The following MICALL1 variants were observed in gnomAD, a reference collection of about 807,000 sequenced individuals.
MICALL1 encodes the protein MICAL-like protein 1.
A neutral mutation model predicts 83.7 loss-of-function variants in MICALL1; 61 were observed. The ratio of observed to expected loss-of-function variants is 0.73; its 90% CI spans 0.59 to 0.90. The LOEUF (loss-of-function observed/expected upper bound fraction) is 0.90. Ranked by LOEUF, MICALL1 falls within the 40% of genes least tolerant of loss-of-function variation. MICALL1 has a pLI of 0.00. For synonymous variants in MICALL1, 481 were observed against 473.6 expected (o/e 1.02, Z -0.20); for missense variants, 1,066 against 1,152.0 (o/e 0.93, Z 1.08).
intron 13 of MICALL1, among the ~76,000 whole-genome samples, chr22:37,935,402 A>C (rs1019007492): frequency 2.0e-4 from 31 of 151,630 alleles, no homozygotes; most frequent in Admixed American, 1.9e-3. Flanking sequence ...CTGGGACTAC[A>C]GGCGCCCGCC....
At chr22:37,923,018 C>T (rs2145914190) in intron 6 of MICALL1, among the ~76,000 whole-genome samples, 1 of 151,244 alleles carries the variant, frequency 6.6e-6, no homozygotes, top group East Asian at 2.0e-4. Context: ...TCACTGCAAC[C>T]TTTGCCTCCC....
At chr22:37,916,705 C>T (rs1928698489) in intron 3 of MICALL1, among the ~76,000 whole-genome samples, 2 of 152,106 alleles carry the variant, frequency 1.3e-5, no homozygotes, top group African/African-American at 2.4e-5. Context: ...GCAGCCTGCT[C>T]AGGGAGCCAG....
chr22:37,930,097 C>T lies in MICALL1; in HGVS notation c.1882-1702C>T, dbSNP rs996599863. ...GGAGGGCACGGGGGTGGGTCACCTTCGGATTCTCGTGTTTCGTGTCCTGGG... is the reference window on the plus strand; with the variant it reads ...GGAGGGCACGGGGGTGGGTCACCTTTGGATTCTCGTGTTTCGTGTCCTGGG... On this transcript the variant is annotated intron_variant, in intron 9 of 15. Coordinates refer to ENST00000215957, the MANE Select transcript of MICALL1 (RefSeq NM_033386.4). This position sits in a 1 kb window ranked among gnomAD's most constrained non-coding sequence, Gnocchi z 4.8. Among the ~76,000 whole-genome samples the T allele has an allele frequency of 1.3e-5, 2 of 152,196 alleles. No homozygotes were observed. Among genetic ancestry groups the T allele is most frequent in the African/African-American group, 2.4e-5 (1 of 41,452 alleles).
At chr22:37,926,608 G>A (rs952454868) in intron 8 of MICALL1, 1 of 153,872 alleles carries the variant, frequency 6.5e-6, no homozygotes, top group Non-Finnish European at 1.4e-5. Context: ...CAGGAACGCT[G>A]GAGTTTTTGG....
Position 37,940,723 on chromosome 22 carries a change from G to A in MICALL1, c.2485G>A (p.Ala829Thr). ...MIKKKEFQRE[A>T]EPEGKKKGKF... is the part of the protein sequence containing the mutation. ...CTGTGCTGCAGAGTTCCAGAGGGAG[G>A]CTGAACCTGAGGGCAAGAAGAAGGG... The change falls in exon 16 of 16, where the codon GCT (alanine) becomes ACT (threonine). Residue 829 changes from alanine (A) to threonine (T), a missense_variant. By Grantham distance (58) the Ala-to-Thr change is moderately conservative. Transcript: ENST00000215957. 2.5e-6 allele frequency: 4 copies of A among 1,613,990 alleles called. No homozygotes were observed. In the African/African-American group the frequency reaches 4.0e-5, roughly 16 times the overall value.
Position 37,941,399 on chromosome 22 carries a change from A to G in MICALL1, c.*569A>G, listed in dbSNP as rs1318705945. 3 of 152,834 alleles carry G rather than the reference A, an allele frequency of 2.0e-5. No homozygotes were observed. Among genetic ancestry groups the G allele is most frequent in the Non-Finnish European group, 4.4e-5 (3 of 68,472 alleles). 9.5% of individuals were successfully genotyped at this position (152,834 alleles called of 1,614,324 possible). On this transcript the variant is annotated 3_prime_UTR_variant, in exon 16 of 16. Coordinates refer to ENST00000215957, the MANE Select transcript of MICALL1 (RefSeq NM_033386.4). The stretch of plus-strand genomic sequence containing the variant: ...TTATGACTGAGTGGCCTGTACTGTC[A>G]GACGTGAATGGGCCTGACGGGCAAA...
rs374975027 is a variant in MICALL1, at chr22:37,912,511, G to A, written c.337+19G>A. 6.3e-5 allele frequency: 99 copies of A among 1,577,414 alleles called. No homozygotes were observed. Among genetic ancestry groups the A allele is most frequent in the Middle Eastern group, 1.7e-4 (1 of 5,948 alleles). On this transcript the variant is annotated intron_variant, in intron 3 of 15. Coordinates refer to ENST00000215957, the MANE Select transcript of MICALL1 (RefSeq NM_033386.4). ...GGCCAAGGTGAGAGGGGGACTCAGC[G>A]TTTCACGGAGGCTGGCCCAGGGGGT...
rs370469703 is a variant in MICALL1, at chr22:37,937,805, C to A, written c.2470+13C>A. 256 of 1,613,014 alleles carry A rather than the reference C, an allele frequency of 1.6e-4. No homozygotes were observed. Among genetic ancestry groups the A allele is most frequent in the Non-Finnish European group, 2.1e-4 (245 of 1,179,340 alleles). Reference sequence around the variant, plus strand: ...ATCAAGAAGAAAGGTGAGGCCCTTGCTGGGGATGAGGCTGGTGAGCACTTG... The same window carrying A: ...ATCAAGAAGAAAGGTGAGGCCCTTGATGGGGATGAGGCTGGTGAGCACTTG... On this transcript the variant is annotated intron_variant, in intron 15 of 15. Coordinates refer to ENST00000215957, the MANE Select transcript of MICALL1 (RefSeq NM_033386.4).
intron 15 of MICALL1, among the ~76,000 whole-genome samples, chr22:37,938,773 C>T (rs998899602): frequency 2.0e-5 from 3 of 152,040 alleles, no homozygotes; most frequent in Non-Finnish European, 4.4e-5. Flanking sequence ...CCACCACACC[C>T]GGCTAATTTT....
chr22:37,940,863 C>A lies in MICALL1; in HGVS notation c.*33C>A. On this transcript the variant is annotated 3_prime_UTR_variant, in exon 16 of 16. Coordinates refer to ENST00000215957, the MANE Select transcript of MICALL1 (RefSeq NM_033386.4). ...AGAAGCCAGTTGGGGACTGCCCCCT[C>A]CTGGAGCAGCTCCTGGGCTGTGCTC... 1 of 1,611,824 alleles carries A rather than the reference C, an allele frequency of 6.2e-7. No individual in the cohort carries two copies. Among genetic ancestry groups the A allele is most frequent in the Non-Finnish European group, 8.5e-7 (1 of 1,178,564 alleles).
intron 15 of MICALL1, 123 bp downstream of exon 15, chr22:37,937,915 C>G: frequency 1.6e-6 from 2 of 1,217,010 alleles, no homozygotes; most frequent in Non-Finnish European, 2.4e-6. Flanking sequence ...GCACAAACTC[C>G]GCAGCCTCTG....
chr22:37,928,319 G>C (rs955313236), intron 9 of MICALL1, among the ~76,000 whole-genome samples: 1 of 150,878 alleles, frequency 6.6e-6, no homozygotes, highest in African/African-American at 2.4e-5. Context: ...CCATTCTTCT[G>C]TCTCAGTCTC....
rs1929098416 is a variant in MICALL1, at chr22:37,922,345, G to A, written c.943G>A (p.Ala315Thr). Residue 315 changes from alanine to threonine, a missense_variant, in exon 6 of 16, where the codon GCA becomes ACA. By Grantham distance (58) the Ala-to-Thr change is moderately conservative. Coordinates refer to ENST00000215957, the MANE Select transcript of MICALL1 (RefSeq NM_033386.4). ...PRKASESTTP[A>T]PPTPRPRSSL... Reference sequence around the variant, plus strand: ...GAAGGCCTCTGAGAGCACCACCCCAGCACCCCCCACGCCCCGGCCCCGCTC... The same window carrying A: ...GAAGGCCTCTGAGAGCACCACCCCAACACCCCCCACGCCCCGGCCCCGCTC... 4.6e-6 allele frequency: 7 copies of A among 1,515,038 alleles called. No homozygotes were observed. Among genetic ancestry groups the A allele is most frequent in the Non-Finnish European group, 5.3e-6 (6 of 1,128,532 alleles). The allele number at this position is 1,515,038 out of a possible 1,614,324, so 93.8% of individuals were successfully genotyped here. A position where few individuals can be genotyped will look rare whatever the true frequency, so the allele number is the denominator to read the frequency against.
In MICALL1 at chr22:37,922,320, G is replaced by A. The variant is rs758055872; in HGVS notation, c.918G>A (p.Arg306=). Residue 306 remains arginine, a synonymous_variant, in exon 6 of 16, where the codon AGG becomes AGA. Transcript: ENST00000215957. ...PPAGRPTPAP[R]KASESTTPAP... is the part of the protein sequence containing the mutation. ...CGGGCCGCCCCACCCCTGCCCCCAGGAAGGCCTCTGAGAGCACCACCCCAG... is the reference window on the plus strand; with the variant it reads ...CGGGCCGCCCCACCCCTGCCCCCAGAAAGGCCTCTGAGAGCACCACCCCAG... 2.2e-5 allele frequency: 34 copies of A among 1,531,742 alleles called. No individual in the cohort carries two copies. The African/African-American group carries it at 4.7e-4, about 21-fold the overall frequency. The allele number at this position is 1,531,742 out of a possible 1,614,324, so 94.9% of individuals were successfully genotyped here. A position where few individuals can be genotyped will look rare whatever the true frequency, so the allele number is the denominator to read the frequency against.
chr22:37,910,835 T>A (rs1928272292), intron 1 of MICALL1, among the ~76,000 whole-genome samples: 1 of 152,174 alleles, frequency 6.6e-6, no homozygotes, highest in African/African-American at 2.4e-5. Context: ...GTGGTATTAG[T>A]GCTTTTCCTG....
intron 9 of MICALL1, among the ~76,000 whole-genome samples, chr22:37,929,281 G>A (rs1208857966): frequency 6.6e-6 from 1 of 152,220 alleles, no homozygotes; most frequent in Non-Finnish European, 1.5e-5. Flanking sequence ...GGGAGCTGGG[G>A]TCTCTGAATG....
At chr22:37,922,787 T>TTTTTTTTG (rs1929163536) in intron 6 of MICALL1, among the ~76,000 whole-genome samples, 1 of 125,774 alleles carries the variant, frequency 8.0e-6, no homozygotes, top group African/African-American at 3.3e-5. Context: ...TTTTGTTTTG[T>TTTTTTTTG]TTTTTTTTGT....
In MICALL1 at chr22:37,906,769, G is replaced by C. The variant is rs1167951851; in HGVS notation, c.146+201G>C. Reference sequence around the variant, plus strand: ...CGCCCCTCCCCCGCCCGGCCGCCCTGACCCCGCCCGTGGGATCCCGAACTC... The same window carrying C: ...CGCCCCTCCCCCGCCCGGCCGCCCTCACCCCGCCCGTGGGATCCCGAACTC... On this transcript the variant is annotated intron_variant, in intron 1 of 15. Transcript: ENST00000215957. This position sits in a 1 kb window ranked among gnomAD's most constrained non-coding sequence, Gnocchi z 4.4. 1 of 252,732 alleles carries C rather than the reference G, an allele frequency of 4.0e-6. No homozygotes were observed. The highest frequency in any genetic ancestry group is 1.1e-4 in the East Asian group (1 of 9,384). 15.7% of individuals were successfully genotyped at this position (252,732 alleles called of 1,614,324 possible). A position where few individuals can be genotyped will look rare whatever the true frequency, so the allele number is the denominator to read the frequency against.
In MICALL1 at chr22:37,924,098, C is replaced by A. The variant is rs1929267116; in HGVS notation, c.1025-562C>A. ...ATTGGTGGCCACGGGGAGAGAGACT[C>A]CCAGGGTCACCCTGCGACTTGCACC... On this transcript the variant is annotated intron_variant, in intron 6 of 15. Transcript: ENST00000215957. This position sits in a 1 kb window ranked among gnomAD's most constrained non-coding sequence, Gnocchi z 5.2. 6.6e-6 allele frequency among the ~76,000 whole-genome samples: 1 copy of A among 152,206 alleles called. No homozygotes were observed. The highest frequency in any genetic ancestry group is 2.4e-5 in the African/African-American group (1 of 41,448).
Sources: gnomAD v4.1 joint callset for allele counts (sites outside exome capture counted in the v4.1 genomes callset) on GRCh38, gnomAD v4.1.1 for gene constraint, Gnocchi (gnomAD v3.1) non-coding constraint, MANE v1.5 for transcripts, NCBI Gene and HGNC (gene_info 2026-07-23, HGNC 2026-07-21) for gene names.